The following PCDHA10 variants were observed in gnomAD, a reference collection of about 807,000 sequenced individuals.
PCDHA10 encodes the protein protocadherin alpha 10.
Under a neutral mutation model 61.2 loss-of-function variants are expected in PCDHA10, and 45 were observed. The observed-to-expected ratio is 0.74, with a 90% CI of 0.58 to 0.94. The LOEUF is 0.94. Ranked by LOEUF, PCDHA10 falls within the 40% of genes least tolerant of loss-of-function variation. The probability of loss-of-function intolerance (pLI) is 0.00; values close to 1 mark genes in which losing one functional copy is unlikely to be tolerated. For synonymous variants in PCDHA10, 602 were observed against 548.8 expected, an observed-to-expected ratio of 1.10 and a Z score of -1.35; for missense variants, 1,278 against 1,236.2, an observed-to-expected ratio of 1.03 and a Z score of -0.51.
At chr5:140,865,904 T>A (rs1554159710) in intron 1 of PCDHA10, 1 of 152,148 alleles carries the variant, frequency 6.6e-6, no homozygotes. Context: ...TACAGGCAAA[T>A]CTTTCTTTCT....
chr5:140,943,131 G>T (rs1360196674), intron 1 of PCDHA10, among the ~76,000 whole-genome samples: 1 of 151,626 alleles, frequency 6.6e-6, no homozygotes, highest in Non-Finnish European at 1.5e-5. Flanking sequence ...GGTAGTGGGT[G>T]CCTGTAGTCC....
At chr5:140,858,949 G>A in intron 1 of PCDHA10, 1 of 158,970 alleles carries the variant, frequency 6.3e-6, no homozygotes, top group Non-Finnish European at 1.4e-5. Flanking sequence ...AGTGATTACA[G>A]CTTTTTCTCA....
chr5:140,968,206 G>A lies in PCDHA10; in HGVS notation c.2389-10743G>A, dbSNP rs782751494. Reference sequence around the variant, plus strand: ...ACTCCTATTCCATCTACATACAGGAGAACAATTTGCCAGGTGTGTTGCTCT... The same window carrying A: ...ACTCCTATTCCATCTACATACAGGAAAACAATTTGCCAGGTGTGTTGCTCT... On this transcript the variant is annotated intron_variant, in intron 1 of 3. Coordinates refer to ENST00000307360, the MANE Select transcript of PCDHA10 (RefSeq NM_018901.4). 170 of 1,613,876 alleles carry A rather than the reference G, an allele frequency of 1.1e-4. 1 individual carries two copies. Among genetic ancestry groups the A allele is most frequent in the Non-Finnish European group, 1.4e-4 (163 of 1,180,042 alleles).
chr5:140,858,424 C>A lies in PCDHA10; in HGVS notation c.2376C>A (p.Asp792Glu). ...GGGAAGATCAGTCTATTGGAGGGGACCACTCTAGGAAGGTGGGTTATTACG... is the reference window on the plus strand; with the variant it reads ...GGGAAGATCAGTCTATTGGAGGGGAACACTCTAGGAAGGTGGGTTATTACG... ...VDGEDQSIGG[D>E]HSRKPRQPNP... Residue 792 changes from aspartate (D) to glutamate (E), a missense_variant, in exon 1 of 4, where the codon GAC becomes GAA. Physicochemically the swap from Asp to Glu is conservative, Grantham distance 45. Coordinates refer to ENST00000307360, the MANE Select transcript of PCDHA10 (RefSeq NM_018901.4). 6.4e-7 allele frequency: 1 copy of A among 1,553,410 alleles called. No homozygotes were observed. The highest frequency in any genetic ancestry group is 8.8e-7 in the Non-Finnish European group (1 of 1,140,964).
chr5:140,925,124 A>AGGAAGGAAGGAAGGAAGGAAGG, intron 1 of PCDHA10, among the ~76,000 whole-genome samples: 1 of 151,856 alleles, frequency 6.6e-6, no homozygotes, highest in South Asian at 2.1e-4. Flanking sequence ...GAAGGAAGGA[A>AGGAAGGAAGGAAGGAAGGAAGG]AAAAAATTTC....
At chr5:140,892,896 C>T (rs1489868294) in intron 1 of PCDHA10, among the ~76,000 whole-genome samples, 1 of 152,112 alleles carries the variant, frequency 6.6e-6, no homozygotes, top group Non-Finnish European at 1.5e-5. Flanking sequence ...CCAACCTTTC[C>T]CCATCCTCCT....
At chr5:140,882,940 C>T (rs1554176179) in intron 1 of PCDHA10, 2 of 1,614,208 alleles carry the variant, frequency 1.2e-6, no homozygotes, top group Admixed American at 3.3e-5. Flanking sequence ...AGCTGACTGG[C>T]ACAGTTCAGC....
intron 3 of PCDHA10, among the ~76,000 whole-genome samples, chr5:140,985,145 G>A (rs2097138679): frequency 6.6e-6 from 1 of 152,080 alleles, no homozygotes; most frequent in South Asian, 2.1e-4. Context: ...CACCGTGTTA[G>A]CCAGGATTGT....
At chr5:140,995,106 G>C (rs1318120210) in intron 3 of PCDHA10, among the ~76,000 whole-genome samples, 6 of 152,180 alleles carry the variant, frequency 3.9e-5, no homozygotes, top group East Asian at 1.9e-4. Context: ...TACATTCCAA[G>C]ACCCTCAGTG....
At chr5:140,929,782 A>G (rs574140858) in intron 1 of PCDHA10, 12 of 168,464 alleles carry the variant, frequency 7.1e-5, no homozygotes, top group Non-Finnish European at 1.6e-4. Context: ...AGATGTAAAA[A>G]TAAATTACAA....
chr5:140,908,587 T>G (rs186345728), intron 1 of PCDHA10, among the ~76,000 whole-genome samples: 3 of 152,298 alleles, frequency 2.0e-5, no homozygotes, highest in East Asian at 3.9e-4. Context: ...AGTAGTTAGC[T>G]GCAGAAGATG....
At chr5:140,990,109 T>C (rs2097374572) in intron 3 of PCDHA10, among the ~76,000 whole-genome samples, 1 of 151,886 alleles carries the variant, frequency 6.6e-6, no homozygotes, top group African/African-American at 2.4e-5. Context: ...AAACAGGAAA[T>C]TGAGAGCTCT....
At chr5:140,951,741 C>A (rs1490111006) in intron 1 of PCDHA10, among the ~76,000 whole-genome samples, 3 of 152,062 alleles carry the variant, frequency 2.0e-5, no homozygotes, top group Non-Finnish European at 4.4e-5. Flanking sequence ...CTGCCACTGC[C>A]CTCACCCTCC....
chr5:140,896,718 T>C (rs1331880145), intron 1 of PCDHA10, among the ~76,000 whole-genome samples: 1 of 152,138 alleles, frequency 6.6e-6, no homozygotes, highest in East Asian at 1.9e-4. Context: ...TTTTGCTTGT[T>C]AATTTGTTTA....
chr5:140,916,561 G>A (rs1038683507), intron 1 of PCDHA10, among the ~76,000 whole-genome samples: 9 of 152,180 alleles, frequency 5.9e-5, no homozygotes, highest in African/African-American at 2.2e-4. Context: ...TTTGTCCAGG[G>A]TGTGTCTAGA....
chr5:141,003,574 A>G (rs559561339), intron 3 of PCDHA10, among the ~76,000 whole-genome samples: 22 of 151,680 alleles, frequency 1.5e-4, no homozygotes, highest in Admixed American at 3.9e-4. Context: ...CAGACTCCCA[A>G]AGTGCTGGGA....
chr5:140,968,682 C>T, intron 1 of PCDHA10: 1 of 1,614,128 alleles, frequency 6.2e-7, no homozygotes, highest in Non-Finnish European at 8.5e-7. Flanking sequence ...GAGCTGCACA[C>T]AGGAGAAATT....
intron 1 of PCDHA10, among the ~76,000 whole-genome samples, chr5:140,952,159 G>T (rs1226707673): frequency 2.0e-5 from 3 of 152,056 alleles, no homozygotes; most frequent in African/African-American, 7.2e-5. Context: ...TGGCTTTGTG[G>T]GGTTCAGTTC....
At chr5:140,927,816 A>G in intron 1 of PCDHA10, 2 of 1,614,198 alleles carry the variant, frequency 1.2e-6, no homozygotes, top group Non-Finnish European at 1.7e-6. Flanking sequence ...TCTTGGAGGC[A>G]TACATTGAGG....
Sources: gnomAD v4.1 joint callset for allele counts (sites outside exome capture counted in the v4.1 genomes callset) on GRCh38, gnomAD v4.1.1 for gene constraint, MANE v1.5 for transcripts, NCBI Gene and HGNC (gene_info 2026-07-23, HGNC 2026-07-21) for gene names.